TENM2: variants seen among roughly 807,000 people sequenced by gnomAD.
TENM2 encodes teneurin-2.
Under a neutral mutation model 245.2 loss-of-function variants are expected in TENM2, and 52 were observed. The observed-to-expected ratio is 0.21, with a 90% CI of 0.17 to 0.27. The LOEUF (loss-of-function observed/expected upper bound fraction) is 0.27. Ranked by LOEUF, TENM2 falls within the 10% of genes least tolerant of loss-of-function variation. TENM2 has a pLI of 1.00. For synonymous variants in TENM2, 1,363 were observed against 1,438.9 expected, an observed-to-expected ratio of 0.95 and a Z score of 1.19; for missense variants, 3,046 against 3,666.8, an observed-to-expected ratio of 0.83 and a Z score of 4.37.
chr5:167,569,640 T>G (rs956823300), intron 2 of TENM2, among the ~76,000 whole-genome samples: 1 of 152,196 alleles, frequency 6.6e-6, no homozygotes, highest in Non-Finnish European at 1.5e-5. Context: ...ATTTGGTGAG[T>G]TGTTGCAAGG....
intron 5 of TENM2, among the ~76,000 whole-genome samples, chr5:167,999,050 A>G (rs1784253613): frequency 6.6e-6 from 1 of 152,206 alleles, no homozygotes; most frequent in Non-Finnish European, 1.5e-5. Flanking sequence ...AAACATAAAG[A>G]AAATGACAGA....
chr5:167,787,724 A>G (rs938118490), intron 2 of TENM2, among the ~76,000 whole-genome samples: 1 of 152,190 alleles, frequency 6.6e-6, no homozygotes, highest in Non-Finnish European at 1.5e-5. Context: ...TTGTTTGGCC[A>G]TGGTGGAATC....
intron 7 of TENM2, among the ~76,000 whole-genome samples, chr5:168,066,558 T>C (rs1347251406): frequency 6.6e-6 from 1 of 152,214 alleles, no homozygotes; most frequent in Non-Finnish European, 1.5e-5. Context: ...GAAACGCCCA[T>C]TTTATTTACT....
intron 2 of TENM2, among the ~76,000 whole-genome samples, chr5:167,639,232 T>C (rs1271181759): frequency 3.9e-5 from 6 of 152,210 alleles, no homozygotes; most frequent in Non-Finnish European, 7.3e-5. Context: ...TTTTGGCTGG[T>C]GTATTAATTT....
the TENM2 span, among the ~76,000 whole-genome samples, chr5:167,275,307 T>C: frequency 6.6e-6 from 1 of 152,106 alleles, no homozygotes; most frequent in African/African-American, 2.4e-5. Context: ...TTCCTCCCAC[T>C]TTCTTCTTTT....
chr5:167,715,659 C>G (rs1441612939), intron 2 of TENM2, among the ~76,000 whole-genome samples: 1 of 152,108 alleles, frequency 6.6e-6, no homozygotes, highest in Non-Finnish European at 1.5e-5. Context: ...TATACCTTTC[C>G]ATATAGTGTC....
intron 5 of TENM2, among the ~76,000 whole-genome samples, chr5:168,046,561 G>C (rs1417382348): frequency 6.6e-6 from 1 of 152,178 alleles, no homozygotes; most frequent in Non-Finnish European, 1.5e-5. Flanking sequence ...AACTCATGGT[G>C]GGGAGTTGAC....
chr5:167,929,235 AAGGC>A (rs1249706148), intron 3 of TENM2, among the ~76,000 whole-genome samples: 10 of 144,258 alleles, frequency 6.9e-5, no homozygotes, highest in African/African-American at 1.3e-4. Flanking sequence ...TGGAGGGAGG[AAGGC>A]AGGCAGGCAG....
chr5:167,150,873 A>G, the TENM2 span, among the ~76,000 whole-genome samples: 1 of 152,204 alleles, frequency 6.6e-6, no homozygotes. Context: ...TTACAATTTC[A>G]CTTTCAAGAA....
At chr5:167,039,043 G>T in the TENM2 span, among the ~76,000 whole-genome samples, 6 of 152,174 alleles carry the variant, frequency 3.9e-5, no homozygotes, top group African/African-American at 1.4e-4. Context: ...GATGTAAAGA[G>T]AATTTGGTGC....
intron 9 of TENM2, among the ~76,000 whole-genome samples, chr5:168,117,119 G>A (rs1795139146): frequency 6.6e-6 from 1 of 152,134 alleles, no homozygotes; most frequent in Admixed American, 6.5e-5. Flanking sequence ...GTGGGAATTG[G>A]CACATTTGAG....
chr5:167,484,531 T>G (rs1420490220), intron 2 of TENM2, among the ~76,000 whole-genome samples: 1 of 152,308 alleles, frequency 6.6e-6, no homozygotes, highest in South Asian at 2.1e-4. Flanking sequence ...ACCTAGATTT[T>G]GGACTTCCAG....
chr5:167,842,574 C>A (rs994509308), intron 2 of TENM2, among the ~76,000 whole-genome samples: 2 of 117,170 alleles, frequency 1.7e-5, no homozygotes, highest in Non-Finnish European at 3.3e-5. Flanking sequence ...GGACCAGACT[C>A]CATGTCAAAA....
chr5:167,844,873 A>T (rs1769889230), intron 2 of TENM2, among the ~76,000 whole-genome samples: 1 of 149,830 alleles, frequency 6.7e-6, no homozygotes, highest in Admixed American at 6.7e-5. Flanking sequence ...TCCTTCGTAG[A>T]CTTTTCTATC....
intron 1 of TENM2, among the ~76,000 whole-genome samples, chr5:167,314,870 T>C (rs1157620828): frequency 3.3e-5 from 5 of 152,092 alleles, no homozygotes; most frequent in Non-Finnish European, 7.4e-5. Flanking sequence ...GAAGTACTTA[T>C]CTATCTGGAT....
chr5:167,317,411 A>G (rs1756430740), intron 1 of TENM2, among the ~76,000 whole-genome samples: 1 of 152,168 alleles, frequency 6.6e-6, no homozygotes, highest in Non-Finnish European at 1.5e-5. Context: ...TCATAATGCT[A>G]GAGGAGACCA....
the TENM2 span, among the ~76,000 whole-genome samples, chr5:166,990,237 A>G: frequency 6.6e-6 from 1 of 152,172 alleles, no homozygotes. Flanking sequence ...GGGCCCAACC[A>G]AGTAATCCAC....
chr5:167,215,772 A>G, the TENM2 span, among the ~76,000 whole-genome samples: 2 of 152,226 alleles, frequency 1.3e-5, no homozygotes, highest in Non-Finnish European at 2.9e-5. Context: ...TTCAGTGTAT[A>G]CACTGGGCCA....
chr5:167,216,891 C>T, the TENM2 span, among the ~76,000 whole-genome samples: 1 of 151,890 alleles, frequency 6.6e-6, no homozygotes, highest in Non-Finnish European at 1.5e-5. Context: ...CGCACCACTG[C>T]ACTCTAGCCT....
Sources: allele counts gnomAD v4.1 joint callset (sites outside exome capture counted in the v4.1 genomes callset), GRCh38; gene constraint gnomAD v4.1.1; transcripts MANE v1.5; gene names NCBI Gene and HGNC (gene_info 2026-07-23, HGNC 2026-07-21).